Variants in RBM20 observed in about 807,000 individuals in gnomAD.
RBM20 encodes the protein RNA-binding protein 20.
Under a neutral mutation model 110.1 loss-of-function variants are expected in RBM20, and 51 were observed. That is an observed-to-expected ratio of 0.46 (90% CI 0.37 to 0.59). RBM20 has a LOEUF of 0.59. RBM20 is among the 20% of genes least tolerant of loss of function. The pLI, the probability that RBM20 is intolerant of heterozygous loss-of-function variation, is 0.00. For synonymous variants in RBM20, 589 were observed against 618.2 expected (o/e 0.95, Z 0.70); for missense variants, 1,512 against 1,574.9 (o/e 0.96, Z 0.68).
In RBM20 at chr10:110,784,382, T is replaced by G; in HGVS notation, c.1379T>G (p.Leu460Trp). Reference sequence around the variant, plus strand: ...ATACTTGGTTCGGCAGAGGGAACATTGTGTGCTTCTCCCAACAGCACAGCT... The same window carrying G: ...ATACTTGGTTCGGCAGAGGGAACATGGTGTGCTTCTCCCAACAGCACAGCT... ...RCILGSAEGT[L>W]CASPNSTAVY... Residue 460 changes from leucine to tryptophan, a missense_variant, in exon 4 of 14, where the codon TTG (leucine) becomes TGG (tryptophan). This residue lies in a region of RBM20 where 1,149 missense variants were observed against 1,169.4 expected (regional missense o/e 0.98). Transcript: ENST00000369519. The G allele has an allele frequency of 6.4e-7, 1 of 1,551,402 alleles. No homozygotes were observed. The highest frequency in any genetic ancestry group is 8.7e-7 in the Non-Finnish European group (1 of 1,146,954).
intron 5 of RBM20, among the ~76,000 whole-genome samples, chr10:110,796,149 G>A (rs552476192): frequency 7.9e-5 from 12 of 152,176 alleles, no homozygotes; most frequent in Non-Finnish European, 1.6e-4. Context: ...CAAACAACAT[G>A]AGGTATATAT....
chr10:110,686,188 C>T (rs1163582634), intron 1 of RBM20, among the ~76,000 whole-genome samples: 2 of 152,184 alleles, frequency 1.3e-5, no homozygotes, highest in African/African-American at 4.8e-5. Flanking sequence ...CGTCATGACT[C>T]TTTAAATATC....
chr10:110,703,003 GTT>G (rs755758197), intron 1 of RBM20, among the ~76,000 whole-genome samples: 2 of 124,048 alleles, frequency 1.6e-5, no homozygotes, highest in African/African-American at 3.0e-5. Flanking sequence ...TTTTTTTTTT[GTT>G]TTTTTTTTTG....
chr10:110,740,633 A>C (rs139265582), intron 1 of RBM20, among the ~76,000 whole-genome samples: 1 of 152,088 alleles, frequency 6.6e-6, no homozygotes, highest in Non-Finnish European at 1.5e-5. Context: ...GGGGAAAGCA[A>C]GTTTATGGCC....
intron 1 of RBM20, among the ~76,000 whole-genome samples, chr10:110,745,364 T>C (rs77316243): frequency 6.6e-6 from 1 of 152,164 alleles, no homozygotes; most frequent in Non-Finnish European, 1.5e-5. Context: ...GGGGTGAGAC[T>C]GCAGGGTGGT....
rs919402785 is a variant in RBM20 at position 110,799,883 on chromosome 10, C to T, written c.1765C>T (p.Arg589Trp). The change falls in exon 7 of 14, where the codon CGG (arginine) becomes TGG (tryptophan). Residue 589 changes from arginine to tryptophan, a missense_variant. Transcript: ENST00000369519. ...AVINGEKLLIRMSKRYKELQL... is the reference protein window; with the variant it reads ...AVINGEKLLIWMSKRYKELQL... ...GATCAATGGTGAGAAGTTGCTCATT[C>T]GGATGTCCAAGAGATACAAGGAATT... The T allele has an allele frequency of 3.2e-6, 5 of 1,551,910 alleles. No homozygotes were observed. In the Admixed American group the frequency reaches 5.9e-5, roughly 18 times the overall value.
At chr10:110,785,806 G>GA (rs538588109) in intron 5 of RBM20, among the ~76,000 whole-genome samples, 2,737 of 147,752 alleles carry the variant, frequency 0.019, 87 homozygotes, top group African/African-American at 0.063. Flanking sequence ...CGCTGGCTTA[G>GA]AAAAAAAAAA....
At chr10:110,815,222 A>G (rs1465665044) in intron 9 of RBM20, among the ~76,000 whole-genome samples, 3 of 152,250 alleles carry the variant, frequency 2.0e-5, no homozygotes, top group Non-Finnish European at 4.4e-5. Context: ...AAAATACCTC[A>G]GTTCAAGATA....
intron 1 of RBM20, among the ~76,000 whole-genome samples, chr10:110,706,664 C>T (rs576732545): frequency 6.6e-6 from 1 of 152,290 alleles, no homozygotes; most frequent in East Asian, 1.9e-4. Flanking sequence ...GAGTGGTGGG[C>T]TGTCTGTCTG....
At chr10:110,805,113 T>C (rs1464360307) in intron 7 of RBM20, among the ~76,000 whole-genome samples, 1 of 152,130 alleles carries the variant, frequency 6.6e-6, no homozygotes, top group African/African-American at 2.4e-5. Context: ...TGGTTCTCAG[T>C]TGGGAAGAGT....
At chr10:110,798,338 C>A (rs998300989) in intron 6 of RBM20, among the ~76,000 whole-genome samples, 1 of 152,110 alleles carries the variant, frequency 6.6e-6, no homozygotes, top group Non-Finnish European at 1.5e-5. Flanking sequence ...AGGAAAAATT[C>A]TTTTCTTAAA....
intron 8 of RBM20, among the ~76,000 whole-genome samples, chr10:110,810,817 G>GTGTGCA (rs1844757395): frequency 6.6e-6 from 1 of 151,180 alleles, no homozygotes; most frequent in Non-Finnish European, 1.5e-5. Flanking sequence ...GTGTGTGTGC[G>GTGTGCA]TGTGTGCGTG....
At chr10:110,813,760 G>A (rs749672751) in intron 9 of RBM20, among the ~76,000 whole-genome samples, 6 of 150,698 alleles carry the variant, frequency 4.0e-5, no homozygotes, top group South Asian at 2.1e-4. Flanking sequence ...ACTTTAACCC[G>A]GAAGGCGGAG....
intron 5 of RBM20, among the ~76,000 whole-genome samples, chr10:110,794,616 C>T (rs1844527212): frequency 6.6e-6 from 1 of 152,172 alleles, no homozygotes. Context: ...TTGGAAAGCT[C>T]CAAATTACTA....
At chr10:110,768,039 CCAACA>C (rs1844131176) in intron 1 of RBM20, among the ~76,000 whole-genome samples, 1 of 152,230 alleles carries the variant, frequency 6.6e-6, no homozygotes, top group Non-Finnish European at 1.5e-5. Context: ...ACCAGCCCGG[CCAACA>C]CAGCGAAACC....
chr10:110,750,928 G>A (rs1180193735), intron 1 of RBM20, among the ~76,000 whole-genome samples: 1 of 152,162 alleles, frequency 6.6e-6, no homozygotes, highest in Non-Finnish European at 1.5e-5. Context: ...TTGAAAATGG[G>A]AGTTGTGGAA....
Position 110,799,836 on chromosome 10 carries a change from A to G in RBM20, c.1718A>G (p.Tyr573Cys). 6.4e-7 allele frequency: 1 copy of G among 1,551,828 alleles called. No individual in the cohort carries two copies. Among genetic ancestry groups the G allele is most frequent in the Non-Finnish European group, 8.7e-7 (1 of 1,146,892 alleles). Reference protein sequence around the residue: ...YTEAAQAMVQYYQEKSAVING... With the variant: ...YTEAAQAMVQCYQEKSAVING... ...GAAGCTGCACAGGCCATGGTCCAGT[A>G]TTATCAAGAAAAATCTGCTGTGATC... Residue 573 changes from tyrosine to cysteine, a missense_variant, in exon 7 of 14, where the codon TAT (tyrosine) becomes TGT (cysteine). By Grantham distance (194) the Tyr-to-Cys change is radical. Transcript: ENST00000369519.
chr10:110,720,469 G>C (rs758250470), intron 1 of RBM20, among the ~76,000 whole-genome samples: 16 of 152,170 alleles, frequency 1.1e-4, no homozygotes, highest in Non-Finnish European at 8.8e-5. Flanking sequence ...TGGGCCAGAA[G>C]TCTTGGCATC....
At chr10:110,782,598 G>T (rs151147272) in intron 2 of RBM20, among the ~76,000 whole-genome samples, 22 of 152,226 alleles carry the variant, frequency 1.4e-4, no homozygotes, top group African/African-American at 5.1e-4. Context: ...TCATTTTACA[G>T]ATGAGAAAAC....
Sources: allele counts gnomAD v4.1 joint callset (sites outside exome capture counted in the v4.1 genomes callset), GRCh38; gene constraint gnomAD v4.1.1; regional missense constraint gnomAD v4.1.1; transcripts MANE v1.5; gene names NCBI Gene and HGNC (gene_info 2026-07-23, HGNC 2026-07-21).